The following TAFA1 variants were observed in gnomAD, a reference collection of about 807,000 sequenced individuals.
TAFA1 encodes chemokine-like protein TAFA-1.
Under a neutral mutation model 18.5 loss-of-function variants are expected in TAFA1, and 4 were observed. The ratio of observed to expected loss-of-function variants is 0.22; its 90% CI spans 0.11 to 0.49. The LOEUF (loss-of-function observed/expected upper bound fraction) is 0.49. Among genes scored for constraint, TAFA1 ranks in the 20% least tolerant of loss-of-function variants. The pLI, the probability that TAFA1 is intolerant of heterozygous loss-of-function variation, is 0.98. For missense variants in TAFA1, 147 were observed against 169.0 expected (o/e 0.87, Z 0.72); for synonymous variants, 56 against 55.2 (o/e 1.01, Z -0.06).
chr3:68,183,387 A>C (rs954975409), intron 2 of TAFA1, among the ~76,000 whole-genome samples: 3 of 152,170 alleles, frequency 2.0e-5, no homozygotes, highest in Non-Finnish European at 2.9e-5. Context: ...CATACATTGG[A>C]ACACTCTAGC....
chr3:68,035,444 AACAT>A (rs1705025959), intron 2 of TAFA1, among the ~76,000 whole-genome samples: 3 of 152,198 alleles, frequency 2.0e-5, no homozygotes, highest in Non-Finnish European at 2.9e-5. Context: ...CTTATTTTAT[AACAT>A]TATACATGAT....
At chr3:68,125,473 G>A (rs1256045850) in intron 2 of TAFA1, among the ~76,000 whole-genome samples, 1 of 152,134 alleles carries the variant, frequency 6.6e-6, no homozygotes, top group Admixed American at 6.5e-5. Flanking sequence ...CTGTTTATTT[G>A]GTTTGTGGCT....
intron 2 of TAFA1, among the ~76,000 whole-genome samples, chr3:68,072,439 T>A (rs1187192050): frequency 6.6e-6 from 1 of 152,134 alleles, no homozygotes; most frequent in African/African-American, 2.4e-5. Flanking sequence ...TTTTAGTTGT[T>A]TCCAGGGTAG....
intron 2 of TAFA1, among the ~76,000 whole-genome samples, chr3:68,299,720 C>G (rs1392851746): frequency 6.6e-6 from 1 of 152,216 alleles, no homozygotes; most frequent in Non-Finnish European, 1.5e-5. Context: ...TGGACCAAGT[C>G]TAGGGCTTTG....
At chr3:68,438,518 G>C (rs370799691) in intron 3 of TAFA1, among the ~76,000 whole-genome samples, 5 of 152,228 alleles carry the variant, frequency 3.3e-5, no homozygotes, top group African/African-American at 9.6e-5. Context: ...ATTGCACACT[G>C]TTCTCTCTAC....
At chr3:68,255,397 G>A (rs1222878344) in intron 2 of TAFA1, among the ~76,000 whole-genome samples, 1 of 152,060 alleles carries the variant, frequency 6.6e-6, no homozygotes, top group African/African-American at 2.4e-5. Flanking sequence ...TCTGGATAAT[G>A]AAAAATATTC....
chr3:68,157,278 A>G (rs980652749), intron 2 of TAFA1, among the ~76,000 whole-genome samples: 1 of 152,216 alleles, frequency 6.6e-6, no homozygotes, highest in East Asian at 1.9e-4. Flanking sequence ...AGTGGCAGGT[A>G]GGAAACTTTT....
At chr3:68,473,269 T>C (rs982673258) in intron 3 of TAFA1, among the ~76,000 whole-genome samples, 43 of 152,256 alleles carry the variant, frequency 2.8e-4, no homozygotes, top group Admixed American at 2.4e-3. Flanking sequence ...CTATGAGGAA[T>C]AGGATTCTAG....
intron 2 of TAFA1, among the ~76,000 whole-genome samples, chr3:68,034,020 T>G (rs1704993541): frequency 6.6e-6 from 1 of 152,188 alleles, no homozygotes; most frequent in Non-Finnish European, 1.5e-5. Context: ...AGCAAAGATC[T>G]TCATTGTGAA....
At position 68,370,470 on chromosome 3, in the gene TAFA1, G is replaced by A. The variant is rs866935218; in HGVS notation, c.119-46810G>A. Among the ~76,000 whole-genome samples, 50 of 31,116 alleles carry A rather than the reference G, an allele frequency of 1.6e-3. 1 individual carries two copies. The highest frequency in any genetic ancestry group is 2.4e-3 in the Non-Finnish European group (38 of 16,006). 20.4% of individuals were successfully genotyped at this position (31,116 alleles called of 152,430 possible). A position where few individuals can be genotyped will look rare whatever the true frequency, so the allele number is the denominator to read the frequency against. On this transcript the variant is annotated intron_variant, in intron 2 of 4. Transcript: ENST00000478136. ...TGTATATATATGTGTGTGTGTGTGTGTGTATATATATATATATATATATAT... is the reference window on the plus strand; with the variant it reads ...TGTATATATATGTGTGTGTGTGTGTATGTATATATATATATATATATATAT...
chr3:68,162,279 C>G (rs746848390), intron 2 of TAFA1, among the ~76,000 whole-genome samples: 1 of 152,124 alleles, frequency 6.6e-6, no homozygotes, highest in Non-Finnish European at 1.5e-5. Flanking sequence ...AATTTTTCCA[C>G]AGATGGGGTT....
chr3:68,374,406 T>A (rs1243006824), intron 2 of TAFA1, among the ~76,000 whole-genome samples: 1 of 152,162 alleles, frequency 6.6e-6, no homozygotes, highest in South Asian at 2.1e-4. Context: ...CTGAGCAAGT[T>A]AACCACTCTC....
chr3:68,410,460 TC>T (rs908623034), intron 2 of TAFA1, among the ~76,000 whole-genome samples: 5 of 152,168 alleles, frequency 3.3e-5, no homozygotes, highest in Admixed American at 3.3e-4. Flanking sequence ...AACAATGGGA[TC>T]CCTTATAATG....
chr3:68,324,766 A>G (rs2068751257), intron 2 of TAFA1, among the ~76,000 whole-genome samples: 1 of 152,214 alleles, frequency 6.6e-6, no homozygotes, highest in African/African-American at 2.4e-5. Context: ...AAATAATTCT[A>G]GATTGGATAT....
At chr3:68,480,152 G>A (rs993792762) in intron 3 of TAFA1, among the ~76,000 whole-genome samples, 1 of 151,918 alleles carries the variant, frequency 6.6e-6, no homozygotes, top group Non-Finnish European at 1.5e-5. Context: ...TAGCACTTTG[G>A]GAGGCCAGGG....
At chr3:68,231,062 T>C (rs2066864866) in intron 2 of TAFA1, among the ~76,000 whole-genome samples, 1 of 152,230 alleles carries the variant, frequency 6.6e-6, no homozygotes, top group Admixed American at 6.5e-5. Context: ...TGAAGGTTTT[T>C]ATATGTTTAC....
At chr3:68,315,181 G>A (rs1273947434) in intron 2 of TAFA1, among the ~76,000 whole-genome samples, 1 of 152,044 alleles carries the variant, frequency 6.6e-6, no homozygotes, top group Non-Finnish European at 1.5e-5. Context: ...CAGTCCCACT[G>A]AGCAATTAGA....
intron 3 of TAFA1, among the ~76,000 whole-genome samples, chr3:68,533,696 C>G (rs2073226848): frequency 6.6e-6 from 1 of 152,136 alleles, no homozygotes; most frequent in African/African-American, 2.4e-5. Flanking sequence ...CTACTCCTGT[C>G]TTTGTCCTGT....
At chr3:68,367,264 C>A (rs568007226) in intron 2 of TAFA1, among the ~76,000 whole-genome samples, 50 of 152,192 alleles carry the variant, frequency 3.3e-4, no homozygotes, top group Non-Finnish European at 5.9e-4. Context: ...AATCAGAATT[C>A]TTGTAAATGA....
Sources: gnomAD v4.1 joint callset for allele counts (sites outside exome capture counted in the v4.1 genomes callset) on GRCh38, gnomAD v4.1.1 for gene constraint, MANE v1.5 for transcripts, NCBI Gene and HGNC (gene_info 2026-07-23, HGNC 2026-07-21) for gene names.